CALN1: variants seen among roughly 807,000 people sequenced by gnomAD.
CALN1 encodes calneuron 1.
A neutral mutation model predicts 30.6 loss-of-function variants in CALN1; 17 were observed. That is an observed-to-expected ratio of 0.56 (90% confidence interval 0.38 to 0.83). CALN1 has a LOEUF of 0.83. Ranked by LOEUF, CALN1 falls within the 40% of genes least tolerant of loss-of-function variation. The pLI is 0.00. For synonymous variants in CALN1, 156 were observed against 131.4 expected, an observed-to-expected ratio of 1.19 and a Z score of -1.28; for missense variants, 291 against 354.9, an observed-to-expected ratio of 0.82 and a Z score of 1.45.
chr7:71,835,771 C>T (rs182438016), intron 5 of CALN1, among the ~76,000 whole-genome samples: 86 of 152,212 alleles, frequency 5.7e-4, no homozygotes, highest in African/African-American at 1.8e-3. Flanking sequence ...AGAAACACAC[C>T]GACCCCACTA....
At chr7:72,350,280 G>A (rs970085784) in intron 2 of CALN1, among the ~76,000 whole-genome samples, 1 of 152,126 alleles carries the variant, frequency 6.6e-6, no homozygotes, top group Non-Finnish European at 1.5e-5. Flanking sequence ...AATCCACTGG[G>A]TATATACCCA....
chr7:72,128,064 A>G (rs1459175073), intron 3 of CALN1, among the ~76,000 whole-genome samples: 5 of 152,194 alleles, frequency 3.3e-5, no homozygotes, highest in African/African-American at 1.2e-4. Flanking sequence ...ATGTTTGACA[A>G]TATCAATAAT....
intron 3 of CALN1, among the ~76,000 whole-genome samples, chr7:72,140,172 G>A (rs1275500261): frequency 6.6e-6 from 1 of 151,880 alleles, no homozygotes; most frequent in Non-Finnish European, 1.5e-5. Context: ...TAGGGAGACT[G>A]AGGCAAGAGG....
At chr7:72,368,519 CA>C (rs1804020301) in intron 2 of CALN1, among the ~76,000 whole-genome samples, 1 of 151,356 alleles carries the variant, frequency 6.6e-6, no homozygotes, top group African/African-American at 2.4e-5. Context: ...CAAGAAAATA[CA>C]AAGGAGAAAT....
intron 3 of CALN1, among the ~76,000 whole-genome samples, chr7:72,234,348 CAT>C (rs987277404): frequency 6.6e-6 from 1 of 152,212 alleles, no homozygotes; most frequent in African/African-American, 2.4e-5. Flanking sequence ...CAGTCTAGCA[CAT>C]ATGAGGCCAT....
intron 2 of CALN1, among the ~76,000 whole-genome samples, chr7:72,393,358 G>A (rs1053121962): frequency 2.6e-5 from 4 of 152,096 alleles, no homozygotes; most frequent in African/African-American, 9.7e-5. Flanking sequence ...CAGCTACTCG[G>A]GAGGCTGAGG....
chr7:72,492,805 T>G, the CALN1 span, among the ~76,000 whole-genome samples: 1 of 152,246 alleles, frequency 6.6e-6, no homozygotes, highest in Admixed American at 6.5e-5. Flanking sequence ...GGAACAGTCG[T>G]GCTCCTGCAA....
intron 3 of CALN1, among the ~76,000 whole-genome samples, chr7:72,254,925 C>T (rs1795812764): frequency 1.3e-5 from 2 of 151,976 alleles, no homozygotes; most frequent in Admixed American, 6.6e-5. Flanking sequence ...CACCACCACG[C>T]CCAGCTAATT....
At chr7:72,399,110 C>T (rs1806168852) in intron 2 of CALN1, among the ~76,000 whole-genome samples, 1 of 152,088 alleles carries the variant, frequency 6.6e-6, no homozygotes, top group East Asian at 1.9e-4. Flanking sequence ...CATTGAGAAG[C>T]ATGCTGACAC....
At chr7:72,293,909 C>A (rs748608548) in intron 2 of CALN1, among the ~76,000 whole-genome samples, 6 of 151,930 alleles carry the variant, frequency 3.9e-5, no homozygotes, top group Non-Finnish European at 7.4e-5. Context: ...CCAGCCTGGC[C>A]AACATGGTGA....
chr7:72,012,502 C>T (rs1186929581), intron 5 of CALN1, among the ~76,000 whole-genome samples: 1 of 152,172 alleles, frequency 6.6e-6, no homozygotes, highest in Non-Finnish European at 1.5e-5. Flanking sequence ...CAGAGTGAGA[C>T]TCCGTCTCAA....
intron 5 of CALN1, among the ~76,000 whole-genome samples, chr7:71,821,357 A>G (rs1465796379): frequency 1.3e-5 from 2 of 152,122 alleles, no homozygotes; most frequent in African/African-American, 2.4e-5. Flanking sequence ...TAATTTATGA[A>G]GAAGAAGAAG....
chr7:72,157,511 G>A (rs879131246), intron 3 of CALN1, among the ~76,000 whole-genome samples: 8 of 152,072 alleles, frequency 5.3e-5, no homozygotes, highest in Admixed American at 1.3e-4. Context: ...CCACTGAAAT[G>A]TGCTTCCAGA....
intron 2 of CALN1, among the ~76,000 whole-genome samples, chr7:72,294,040 G>A (rs1180442140): frequency 6.6e-6 from 1 of 152,058 alleles, no homozygotes; most frequent in Non-Finnish European, 1.5e-5. Flanking sequence ...GGAGGCTGTG[G>A]TGAGCCGAGA....
intron 5 of CALN1, among the ~76,000 whole-genome samples, chr7:71,893,965 G>A (rs1311049264): frequency 6.6e-6 from 1 of 151,980 alleles, no homozygotes; most frequent in Non-Finnish European, 1.5e-5. Flanking sequence ...TGCCCACCTA[G>A]ACATCACACA....
At chr7:71,844,721 T>C (rs1240292723) in intron 5 of CALN1, among the ~76,000 whole-genome samples, 2 of 152,088 alleles carry the variant, frequency 1.3e-5, no homozygotes, top group African/African-American at 2.4e-5. Context: ...TAAGAAATGA[T>C]TGTGAAATGG....
At chr7:72,221,309 C>CTTA in intron 3 of CALN1, among the ~76,000 whole-genome samples, 1 of 128,086 alleles carries the variant, frequency 7.8e-6, no homozygotes, top group African/African-American at 2.9e-5. Flanking sequence ...CAAGTCTTGG[C>CTTA]TTCTTTTTTT....
chr7:72,170,732 G>A (rs1563118228), intron 3 of CALN1, among the ~76,000 whole-genome samples: 1 of 152,138 alleles, frequency 6.6e-6, no homozygotes, highest in African/African-American at 2.4e-5. Context: ...CAGATTTTTT[G>A]AGCAAAGTCA....
intron 5 of CALN1, among the ~76,000 whole-genome samples, chr7:71,816,296 T>G (rs1441641297): frequency 1.3e-5 from 2 of 151,268 alleles, no homozygotes; most frequent in African/African-American, 4.9e-5. Context: ...TGCATTAGAG[T>G]TTAACGATCC....
Sources: allele counts gnomAD v4.1 joint callset (sites outside exome capture counted in the v4.1 genomes callset), GRCh38; gene constraint gnomAD v4.1.1; transcripts MANE v1.5; gene names NCBI Gene and HGNC (gene_info 2026-07-23, HGNC 2026-07-21).